Variants in DNAH11 observed in about 807,000 individuals in gnomAD.
DNAH11 encodes the protein dynein axonemal heavy chain 11.
In DNAH11, 442 loss-of-function variants were observed where a neutral mutation model predicts 526.0. That is an observed-to-expected ratio of 0.84 (90% confidence interval 0.78 to 0.91). DNAH11 has a LOEUF of 0.91. Among genes scored for constraint, DNAH11 ranks in the 40% least tolerant of loss-of-function variants. The probability of loss-of-function intolerance (pLI) is 0.00; values close to 1 mark genes in which losing one functional copy is unlikely to be tolerated. For synonymous variants in DNAH11, 2,461 were observed against 1,935.9 expected, an observed-to-expected ratio of 1.27 and a Z score of -7.12; for missense variants, 6,989 against 5,448.7, an observed-to-expected ratio of 1.28 and a Z score of -8.90.
chr7:21,620,898 C>T (rs1786015828), intron 25 of DNAH11, among the ~76,000 whole-genome samples: 1 of 151,980 alleles, frequency 6.6e-6, no homozygotes, highest in East Asian at 1.9e-4. Context: ...ATGAACTCAT[C>T]ATTTTTTATG....
chr7:21,801,759 A>C (rs747317191), intron 62 of DNAH11, among the ~76,000 whole-genome samples: 1 of 152,174 alleles, frequency 6.6e-6, no homozygotes, highest in African/African-American at 2.4e-5. Flanking sequence ...TTTAATATAC[A>C]TTTGCCATTG....
At chr7:21,637,464 A>G (rs576919677) in intron 26 of DNAH11, 147 bp from the exon 27 acceptor site, 1 of 618,180 alleles carries the variant, frequency 1.6e-6, no homozygotes, top group South Asian at 2.3e-5. Context: ...AAGCAAAAGT[A>G]AACAGATGTG....
intron 55 of DNAH11, among the ~76,000 whole-genome samples, chr7:21,772,329 A>T (rs1185121197): frequency 7.5e-6 from 1 of 134,156 alleles, no homozygotes; most frequent in African/African-American, 3.1e-5. Context: ...CAGAGGCCAG[A>T]GTGTTTTTTT....
Position 21,744,609 on chromosome 7 carries a change from T to C in DNAH11, c.8316+10T>C. 1 of 1,612,328 alleles carries C rather than the reference T, an allele frequency of 6.2e-7. No homozygotes were observed. Among genetic ancestry groups the C allele is most frequent in the Non-Finnish European group, 8.5e-7 (1 of 1,179,596 alleles). ...TTATAAATATTTTGAAGTAAGCGTA[T>C]GAATGTCAGAGGTCACTACTTACTC... On this transcript the variant is annotated intron_variant, in intron 50 of 81. Coordinates refer to ENST00000409508, the MANE Select transcript of DNAH11 (RefSeq NM_001277115.2).
chr7:21,716,612 T>G (rs895308209), intron 42 of DNAH11, among the ~76,000 whole-genome samples: 1 of 152,172 alleles, frequency 6.6e-6, no homozygotes, highest in Non-Finnish European at 1.5e-5. Flanking sequence ...AGATTCCACT[T>G]TCCACTCTGG....
At chr7:21,889,424 C>G (rs745848826) in intron 76 of DNAH11, among the ~76,000 whole-genome samples, 16 of 152,166 alleles carry the variant, frequency 1.1e-4, no homozygotes, top group Non-Finnish European at 2.1e-4. Context: ...AGTGGAATTG[C>G]TGGGCCAAGT....
chr7:21,734,155 CTAG>C (rs1785506326), intron 45 of DNAH11, among the ~76,000 whole-genome samples: 1 of 152,194 alleles, frequency 6.6e-6, no homozygotes, highest in Admixed American at 6.5e-5. Flanking sequence ...CTGCCACTTA[CTAG>C]TAGCTATGAC....
chr7:21,651,750 CAT>C (rs1202256390), intron 28 of DNAH11, among the ~76,000 whole-genome samples: 2 of 152,250 alleles, frequency 1.3e-5, no homozygotes, highest in African/African-American at 2.4e-5. Flanking sequence ...GCCCTGGCAA[CAT>C]GGTTCAAATT....
chr7:21,763,036 G>C (rs1435725596), intron 54 of DNAH11, among the ~76,000 whole-genome samples: 13 of 152,120 alleles, frequency 8.5e-5, no homozygotes, highest in Non-Finnish European at 1.9e-4. Context: ...GACTTACGTA[G>C]ACATTTCTGT....
rs1783344663 is a variant in DNAH11 at position 21,867,918 on chromosome 7, T to G, written c.11750T>G (p.Val3917Gly). ...GTGGAGAGGACCAGATTGGACTTAGTTAAAGCATTCGAAGAAAGCAGCCCA... is the reference window on the plus strand; with the variant it reads ...GTGGAGAGGACCAGATTGGACTTAGGTAAAGCATTCGAAGAAAGCAGCCCA... ...KYVERTRLDL[V>G]KAFEESSPAT... Residue 3917 changes from valine to glycine, a missense_variant, in exon 72 of 82, where the codon GTT becomes GGT. Coordinates refer to ENST00000409508, the MANE Select transcript of DNAH11 (RefSeq NM_001277115.2). 6.3e-7 allele frequency: 1 copy of G among 1,580,712 alleles called. No individual in the cohort carries two copies. Among genetic ancestry groups the G allele is most frequent in the Non-Finnish European group, 8.6e-7 (1 of 1,162,086 alleles).
chr7:21,730,247 A>G (rs1051353788), intron 45 of DNAH11, among the ~76,000 whole-genome samples: 2 of 152,238 alleles, frequency 1.3e-5, no homozygotes, highest in Admixed American at 6.5e-5. Context: ...CAGTGGATGA[A>G]CAGACAAAGA....
At chr7:21,755,128 G>C (rs1786571860) in intron 54 of DNAH11, among the ~76,000 whole-genome samples, 1 of 152,190 alleles carries the variant, frequency 6.6e-6, no homozygotes, top group Non-Finnish European at 1.5e-5. Flanking sequence ...CCCAAAGTCA[G>C]TTCCCACTTG....
intron 30 of DNAH11, among the ~76,000 whole-genome samples, chr7:21,662,525 CA>C (rs1782277914): frequency 6.6e-6 from 1 of 151,952 alleles, no homozygotes; most frequent in African/African-American, 2.4e-5. Context: ...TTTATGTGTA[CA>C]CATGATGTTT....
At chr7:21,825,627 T>TC (rs1317404921) in intron 65 of DNAH11, among the ~76,000 whole-genome samples, 34 of 151,760 alleles carry the variant, frequency 2.2e-4, no homozygotes, top group Admixed American at 1.3e-3. Context: ...TTTTTTTTTT[T>TC]CCCACTTTTA....
At chr7:21,772,030 A>G (rs770770261) in intron 55 of DNAH11, among the ~76,000 whole-genome samples, 16 of 152,218 alleles carry the variant, frequency 1.1e-4, no homozygotes, top group Non-Finnish European at 1.5e-4. Flanking sequence ...CAAATTGAGA[A>G]TGCAGGGAAG....
chr7:21,610,530 C>A lies in DNAH11; in HGVS notation c.3852+3797C>A, dbSNP rs180870747. Among the ~76,000 whole-genome samples, 10 of 152,048 alleles carry A rather than the reference C, an allele frequency of 6.6e-5. 1 individual carries two copies. In the East Asian group the frequency reaches 1.9e-3, roughly 29 times the overall value. ...CAATAAAACAATGAACACACCATTA[C>A]GCATAAGAGTCAGTTGAAAGAAACC... On this transcript the variant is annotated intron_variant, in intron 20 of 81. Transcript: ENST00000409508.
intron 5 of DNAH11, 121 bp from the exon 6 acceptor site, chr7:21,564,059 AAGGAAC>A: frequency 5.0e-6 from 3 of 603,208 alleles, no homozygotes; most frequent in South Asian, 3.2e-5. Flanking sequence ...AGTAATATAA[AAGGAAC>A]TATGACAACA....
In DNAH11 at chr7:21,588,549, C is replaced by T. The variant is rs755481519; in HGVS notation, c.1886C>T (p.Pro629Leu). 3 of 1,613,532 alleles carry T rather than the reference C, an allele frequency of 1.9e-6. No homozygotes were observed. The highest frequency in any genetic ancestry group is 2.2e-5 in the East Asian group (1 of 44,856). Residue 629 changes from proline (P) to leucine (L), a missense_variant, in exon 11 of 82, where the codon CCA becomes CTA. Coordinates refer to ENST00000409508, the MANE Select transcript of DNAH11 (RefSeq NM_001277115.2). ...CGHVVLNKNM[P>L]FTSGNMKWAQ... The stretch of plus-strand genomic sequence containing the variant: ...CATGTAGTTCTTAACAAGAACATGC[C>T]ATTTACCTCAGGAAATATGAAATGG...
At chr7:21,544,357 GAAGA>G (rs1395265509) in intron 1 of DNAH11, among the ~76,000 whole-genome samples, 1 of 152,158 alleles carries the variant, frequency 6.6e-6, no homozygotes. Context: ...GGATCTCAGA[GAAGA>G]AAGAGTAATA....
Sources: allele counts gnomAD v4.1 joint callset (sites outside exome capture counted in the v4.1 genomes callset), GRCh38; gene constraint gnomAD v4.1.1; transcripts MANE v1.5; gene names NCBI Gene and HGNC (gene_info 2026-07-23, HGNC 2026-07-21).